TEX9: variants seen among roughly 807,000 people sequenced by gnomAD.
The protein encoded by TEX9 is testis-expressed protein 9.
In TEX9, 74 loss-of-function variants were observed where a neutral mutation model predicts 59.6. The observed-to-expected ratio is 1.24, with a 90% CI of 1.03 to 1.51. The LOEUF is 1.51. Among genes scored for constraint, TEX9 ranks in the 40% most tolerant of loss-of-function variants. The pLI is 0.00. For missense variants in TEX9, 522 were observed against 447.8 expected, an observed-to-expected ratio of 1.17 and a Z score of -1.49; for synonymous variants, 186 against 152.2, an observed-to-expected ratio of 1.22 and a Z score of -1.64.
chr15:56,433,175 G>T (rs12910210), intron 12 of TEX9, among the ~76,000 whole-genome samples: 45,411 of 147,660 alleles, frequency 0.31, 7,658 homozygotes, highest in Middle Eastern at 0.48. Flanking sequence ...CTTTCCTTAG[G>T]ATGTCACCCA....
At chr15:56,371,495 T>TC (rs1388761559) in intron 2 of TEX9, among the ~76,000 whole-genome samples, 3 of 152,156 alleles carry the variant, frequency 2.0e-5, no homozygotes, top group African/African-American at 7.2e-5. Flanking sequence ...AATTTTAAAA[T>TC]CTTTTTTTAA....
At chr15:56,427,335 G>T (rs533305515) in intron 10 of TEX9, among the ~76,000 whole-genome samples, 1 of 152,118 alleles carries the variant, frequency 6.6e-6, no homozygotes, top group East Asian at 1.9e-4. Context: ...TAAATCCAGA[G>T]TTTATGTTGG....
At chr15:56,265,762 C>T (rs1041223483) in intron 1 of TEX9, among the ~76,000 whole-genome samples, 5 of 151,888 alleles carry the variant, frequency 3.3e-5, no homozygotes, top group East Asian at 1.9e-4. Flanking sequence ...CCCAGAATAT[C>T]GTCTATCTTG....
Position 56,316,613 on chromosome 15 carries a change from G to A in TEX9, c.-106-56828G>A, listed in dbSNP as rs1353408899. 5.3e-4 allele frequency among the ~76,000 whole-genome samples: 80 copies of A among 152,208 alleles called. 1 individual carries two copies. Among genetic ancestry groups the A allele is most frequent in the Admixed American group, 9.2e-4 (14 of 15,290 alleles). ...TACTGCTGTCTTTTTGTTTGTCTGC[G>A]CCCTGCCCCCAGAGGTGGAGCCTAC... On this transcript the variant is annotated intron_variant, in intron 1 of 5. Transcript: ENST00000560827.
the TEX9 span, among the ~76,000 whole-genome samples, chr15:56,460,009 A>ATATATATATATATATATATATATAT: frequency 1.1e-4 from 3 of 26,386 alleles, no homozygotes; most frequent in African/African-American, 4.5e-4. Flanking sequence ...AAAAAAAAAA[A>ATATATATATATATATATATATATAT]ATACATATAT....
exon 12 of TEX9, chr15:56,428,408 G>C: frequency 6.2e-7 from 1 of 1,611,864 alleles, no homozygotes; most frequent in Non-Finnish European, 8.5e-7. Context: ...TCACTGAGGA[G>C]GAATTTATGA....
At position 56,331,751 on chromosome 15, in the gene TEX9, A is replaced by G. The variant is rs188904846; in HGVS notation, c.-106-41690A>G. Among the ~76,000 whole-genome samples, 345 of 152,220 alleles carry G rather than the reference A, an allele frequency of 2.3e-3. 1 individual carries two copies. The highest frequency in any genetic ancestry group is 3.4e-3 in the Middle Eastern group (1 of 294). On this transcript the variant is annotated intron_variant, in intron 1 of 5. Coordinates refer to the TEX9 transcript ENST00000560827. Reference sequence around the variant, plus strand: ...GCATGTTAAAGAACTAGAAACTACAATGAACTCAAACAAATTTACAAGAAA... The same window carrying G: ...GCATGTTAAAGAACTAGAAACTACAGTGAACTCAAACAAATTTACAAGAAA...
chr15:56,394,623 C>T (rs765940489), intron 8 of TEX9, 38 bp from the exon 9 acceptor site: 2 of 1,377,606 alleles, frequency 1.5e-6, no homozygotes, highest in Admixed American at 2.4e-5. Flanking sequence ...ACAAATCTTA[C>T]ATATTTTTTC....
At chr15:56,336,921 G>T (rs1381721979) in intron 1 of TEX9, among the ~76,000 whole-genome samples, 1 of 152,118 alleles carries the variant, frequency 6.6e-6, no homozygotes, top group African/African-American at 2.4e-5. Context: ...GCTGTGAACT[G>T]CAAGTGTTTG....
intron 1 of TEX9, among the ~76,000 whole-genome samples, chr15:56,267,984 T>C (rs2044428926): frequency 6.6e-6 from 1 of 152,102 alleles, no homozygotes; most frequent in African/African-American, 2.4e-5. Context: ...TCCATTTGTT[T>C]CCTCTTTTAT....
the TEX9 span, among the ~76,000 whole-genome samples, chr15:56,459,124 T>TC: frequency 6.6e-6 from 1 of 152,152 alleles, no homozygotes. Flanking sequence ...TCTCACCTTT[T>TC]CCCCCAACCC....
intron 1 of TEX9, among the ~76,000 whole-genome samples, chr15:56,282,038 T>A (rs2044832089): frequency 1.3e-5 from 2 of 151,734 alleles, no homozygotes; most frequent in African/African-American, 4.8e-5. Flanking sequence ...TTCTTTCAAA[T>A]AAAAAAAAGA....
At chr15:56,437,555 C>T (rs1287774276) in intron 12 of TEX9, among the ~76,000 whole-genome samples, 8 of 152,108 alleles carry the variant, frequency 5.3e-5, no homozygotes, top group African/African-American at 1.9e-4. Context: ...AAAACTGGCA[C>T]AAGACAGGGA....
chr15:56,427,568 T>C (rs761830236), intron 10 of TEX9, 37 bp from the exon 11 acceptor site: 9 of 1,364,640 alleles, frequency 6.6e-6, no homozygotes, highest in Non-Finnish European at 8.9e-6. Flanking sequence ...TGAGGCTGTA[T>C]ATTAAAAATA....
chr15:56,396,524 A>G (rs1357035355), intron 9 of TEX9: 2 of 147,838 alleles, frequency 1.4e-5, no homozygotes, highest in African/African-American at 5.0e-5. Flanking sequence ...CTTTTCCCAA[A>G]TGTCACATAA....
At chr15:56,432,462 C>T (rs1216808082) in intron 12 of TEX9, among the ~76,000 whole-genome samples, 3 of 152,034 alleles carry the variant, frequency 2.0e-5, no homozygotes, top group Non-Finnish European at 4.4e-5. Context: ...ATGGTTAGAC[C>T]TTATAGGATT....
rs547215336 is a variant in TEX9, at chr15:56,317,786, T to A, written c.-106-55655T>A. Among the ~76,000 whole-genome samples the A allele has an allele frequency of 3.9e-5, 6 of 152,340 alleles. No individual in the cohort carries two copies. In the South Asian group the frequency reaches 1.2e-3, roughly 32 times the overall value. ...TTTGACAATTGATTATTTAGGATTA[T>A]GTCATTCAATTTCCACATATCTGAG... On this transcript the variant is annotated intron_variant, in intron 1 of 5. Coordinates refer to the TEX9 transcript ENST00000560827.
rs188330791 is a variant in TEX9, at chr15:56,268,488, A to C, written c.-107+24210A>C. Among the ~76,000 whole-genome samples, 601 of 152,278 alleles carry C rather than the reference A, an allele frequency of 3.9e-3. 3 individuals are homozygous for C. The highest frequency in any genetic ancestry group is 6.1e-3 in the Non-Finnish European group (416 of 68,022). On this transcript the variant is annotated intron_variant, in intron 1 of 5. Coordinates refer to the TEX9 transcript ENST00000560827. The stretch of plus-strand genomic sequence containing the variant: ...GTCGTAAATAGCTCTTATTATTTTG[A>C]GATACGTCCCATCAATACCTAATTT...
At chr15:56,302,632 AAAG>A (rs1170811406) in intron 1 of TEX9, among the ~76,000 whole-genome samples, 4 of 152,220 alleles carry the variant, frequency 2.6e-5, no homozygotes, top group Admixed American at 1.3e-4. Flanking sequence ...GAAAGGAAGA[AAAG>A]AAGGAAGGAA....
Sources: allele counts gnomAD v4.1 joint callset (sites outside exome capture counted in the v4.1 genomes callset), GRCh38; gene constraint gnomAD v4.1.1; transcripts MANE v1.5; gene names NCBI Gene and HGNC (gene_info 2026-07-23, HGNC 2026-07-21).